SGCD: variants seen among roughly 807,000 people sequenced by gnomAD.
The protein encoded by SGCD is delta-sarcoglycan.
In SGCD, 18 loss-of-function variants were observed where a neutral mutation model predicts 36.6. That is an observed-to-expected ratio of 0.49 (90% CI 0.34 to 0.73). SGCD has a LOEUF of 0.73. Ranked by LOEUF, SGCD falls within the 30% of genes least tolerant of loss-of-function variation. The pLI, the probability that SGCD is intolerant of heterozygous loss-of-function variation, is 0.01. For synonymous variants in SGCD, 133 were observed against 130.6 expected, an observed-to-expected ratio of 1.02 and a Z score of -0.12; for missense variants, 387 against 346.7, an observed-to-expected ratio of 1.12 and a Z score of -0.92.
intron 3 of SGCD, among the ~76,000 whole-genome samples, chr5:156,211,594 C>T (rs557285507): frequency 6.5e-5 from 9 of 138,516 alleles, no homozygotes; most frequent in Admixed American, 3.1e-4. Context: ...GGCGACAGAG[C>T]GAGACTCAGA....
intron 7 of SGCD, among the ~76,000 whole-genome samples, chr5:156,705,846 G>A (rs1754719080): frequency 6.6e-6 from 1 of 152,122 alleles, no homozygotes. Context: ...ATTTGACTTT[G>A]TGTCTTGGCC....
At chr5:156,413,603 A>G (rs923309006) in intron 3 of SGCD, among the ~76,000 whole-genome samples, 4 of 152,134 alleles carry the variant, frequency 2.6e-5, no homozygotes, top group African/African-American at 9.7e-5. Context: ...CAGCCACCTG[A>G]GTATCTGGGA....
chr5:156,565,914 T>A (rs2113265653), intron 4 of SGCD, among the ~76,000 whole-genome samples: 1 of 152,326 alleles, frequency 6.6e-6, no homozygotes, highest in South Asian at 2.1e-4. Context: ...CCATAGTGTA[T>A]TATGTGCCAC....
At chr5:156,564,878 G>A (rs1394121726) in intron 4 of SGCD, among the ~76,000 whole-genome samples, 1 of 152,050 alleles carries the variant, frequency 6.6e-6, no homozygotes, top group Non-Finnish European at 1.5e-5. Flanking sequence ...TACACCACAT[G>A]TTGTTTATCC....
intron 3 of SGCD, among the ~76,000 whole-genome samples, chr5:156,299,333 G>A (rs1766989013): frequency 6.6e-6 from 1 of 152,042 alleles, no homozygotes; most frequent in Non-Finnish European, 1.5e-5. Context: ...TGCCAATTTG[G>A]TTACCATAGC....
the SGCD span, among the ~76,000 whole-genome samples, chr5:155,807,569 TA>T: frequency 6.6e-6 from 1 of 152,270 alleles, no homozygotes; most frequent in Non-Finnish European, 1.5e-5. Context: ...TATGATCCGT[TA>T]CTGGAGATAA....
At chr5:155,782,092 T>G in the SGCD span, among the ~76,000 whole-genome samples, 1 of 150,664 alleles carries the variant, frequency 6.6e-6, no homozygotes, top group Non-Finnish European at 1.5e-5. Context: ...CAGCACGATC[T>G]CAGCTCACCG....
At chr5:156,175,727 A>C (rs1313469373) in intron 3 of SGCD, among the ~76,000 whole-genome samples, 2 of 152,362 alleles carry the variant, frequency 1.3e-5, no homozygotes, top group African/African-American at 4.8e-5. Context: ...TTCACTTGGA[A>C]GTCATGGGCT....
At chr5:156,323,710 G>A (rs993292044), upstream of SGCD, among the ~76,000 whole-genome samples, 1 of 152,160 alleles carries the variant, frequency 6.6e-6, no homozygotes, top group African/African-American at 2.4e-5. Flanking sequence ...ACATATTTTA[G>A]TTGTAATTTT....
intron 3 of SGCD, among the ~76,000 whole-genome samples, chr5:156,274,486 TTTTATTAAC>T (rs1291157124): frequency 1.3e-5 from 2 of 152,242 alleles, no homozygotes; most frequent in East Asian, 3.9e-4. Flanking sequence ...ATTTTAGGGC[TTTTATTAAC>T]TTTTTTGCAC....
At chr5:156,658,662 CT>C (rs1763785490) in intron 7 of SGCD, among the ~76,000 whole-genome samples, 1 of 76,042 alleles carries the variant, frequency 1.3e-5, no homozygotes, top group South Asian at 5.2e-4. Flanking sequence ...ATCTCTCTTG[CT>C]TTTCCCCACA....
At chr5:155,915,770 G>A (rs905203947) in intron 1 of SGCD, among the ~76,000 whole-genome samples, 7 of 152,106 alleles carry the variant, frequency 4.6e-5, no homozygotes, top group African/African-American at 1.7e-4. Flanking sequence ...AAATTTTACA[G>A]CAGAAAAACT....
rs1580874160 is a variant in SGCD at position 156,362,427 on chromosome 5, C to T, written c.192+17750C>T. ...CTTTGGGAGGCCCAGGCGGGCGGAT[C>T]ATGAGGTCAAGAGACTGAAACCATC... On this transcript the variant is annotated intron_variant, in intron 3 of 8. Coordinates refer to ENST00000337851, the MANE Select transcript of SGCD (RefSeq NM_000337.6). 2.6e-5 allele frequency among the ~76,000 whole-genome samples: 4 copies of T among 152,316 alleles called. No homozygotes were observed. In the East Asian group the frequency reaches 7.7e-4, roughly 29 times the overall value.
chr5:155,946,698 T>C (rs1402387710), intron 1 of SGCD, among the ~76,000 whole-genome samples: 1 of 152,128 alleles, frequency 6.6e-6, no homozygotes, highest in African/African-American at 2.4e-5. Flanking sequence ...AATAAAATAA[T>C]CTTGTGAAAT....
At chr5:155,942,916 T>G (rs1343955937) in intron 1 of SGCD, among the ~76,000 whole-genome samples, 2 of 152,234 alleles carry the variant, frequency 1.3e-5, no homozygotes, top group African/African-American at 4.8e-5. Flanking sequence ...GTGTTCATAA[T>G]GAGTCATCAT....
At chr5:155,808,022 C>A in the SGCD span, among the ~76,000 whole-genome samples, 1 of 152,128 alleles carries the variant, frequency 6.6e-6, no homozygotes, top group Non-Finnish European at 1.5e-5. Context: ...ATATCTGCAA[C>A]CTTATAAAAA....
chr5:156,067,829 C>G (rs1375328496), intron 1 of SGCD, among the ~76,000 whole-genome samples: 1 of 140,178 alleles, frequency 7.1e-6, no homozygotes, highest in African/African-American at 3.2e-5. Context: ...CACTGGCCTG[C>G]GCCCACTGTC....
chr5:156,748,919 C>T (rs532746070), intron 7 of SGCD, among the ~76,000 whole-genome samples: 39 of 152,178 alleles, frequency 2.6e-4, no homozygotes, highest in African/African-American at 7.9e-4. Flanking sequence ...CGTGTACCAC[C>T]ATGCTCAGCT....
intron 1 of SGCD, among the ~76,000 whole-genome samples, chr5:156,094,861 C>T (rs1179996277): frequency 2.0e-5 from 3 of 152,054 alleles, no homozygotes; most frequent in Admixed American, 2.0e-4. Context: ...ATTAGCTGGG[C>T]GTGGTGGCAC....
Sources: gnomAD v4.1 joint callset for allele counts (sites outside exome capture counted in the v4.1 genomes callset) on GRCh38, gnomAD v4.1.1 for gene constraint, MANE v1.5 for transcripts, NCBI Gene and HGNC (gene_info 2026-07-23, HGNC 2026-07-21) for gene names.